The following NCKAP5 variants were observed in gnomAD, a reference collection of about 807,000 sequenced individuals.
NCKAP5 encodes the protein NCK associated protein 5.
In NCKAP5, 92 loss-of-function variants were observed where a neutral mutation model predicts 167.0. The observed-to-expected ratio is 0.55, with a 90% confidence interval of 0.47 to 0.66. The LOEUF is 0.66. Ranked by LOEUF, NCKAP5 falls within the 30% of genes least tolerant of loss-of-function variation. The pLI is 0.00. For missense variants in NCKAP5, 2,378 were observed against 2,315.0 expected (o/e 1.03, Z -0.56); for synonymous variants, 891 against 877.4 (o/e 1.02, Z -0.27).
At chr2:133,483,264 T>G (rs1680617339) in intron 3 of NCKAP5, among the ~76,000 whole-genome samples, 1 of 152,224 alleles carries the variant, frequency 6.6e-6, no homozygotes, top group South Asian at 2.1e-4. Flanking sequence ...TGGTCCTTGT[T>G]AATTCTTAAT....
the NCKAP5 span, among the ~76,000 whole-genome samples, chr2:133,672,305 A>G: frequency 6.6e-6 from 1 of 152,218 alleles, no homozygotes; most frequent in Non-Finnish European, 1.5e-5. Context: ...ATGAGGCTAG[A>G]AAACTATGCA....
At chr2:133,176,196 C>G (rs2084453223) in intron 5 of NCKAP5, among the ~76,000 whole-genome samples, 1 of 152,188 alleles carries the variant, frequency 6.6e-6, no homozygotes, top group African/African-American at 2.4e-5. Flanking sequence ...TAAGCCACAG[C>G]AGGTAATATG....
chr2:132,711,071 A>G (rs981554053), intron 19 of NCKAP5, among the ~76,000 whole-genome samples: 1 of 152,228 alleles, frequency 6.6e-6, no homozygotes, highest in African/African-American at 2.4e-5. Context: ...TCTAGGCACT[A>G]GTGACATAAG....
the NCKAP5 span, among the ~76,000 whole-genome samples, chr2:133,674,142 A>T: frequency 6.6e-6 from 1 of 152,178 alleles, no homozygotes; most frequent in African/African-American, 2.4e-5. Context: ...TTCTCCAGTG[A>T]ATATCAGAAT....
chr2:132,947,150 T>A (rs1697814438), intron 8 of NCKAP5, among the ~76,000 whole-genome samples: 1 of 152,202 alleles, frequency 6.6e-6, no homozygotes, highest in South Asian at 2.1e-4. Context: ...AAATTAAACA[T>A]GCTGTGACTT....
intron 2 of NCKAP5, among the ~76,000 whole-genome samples, chr2:133,557,767 G>A (rs894266975): frequency 6.6e-6 from 1 of 152,216 alleles, no homozygotes; most frequent in African/African-American, 2.4e-5. Context: ...ACACAGCATT[G>A]TGCAGTGACG....
chr2:133,059,680 A>G (rs994774253), intron 6 of NCKAP5, among the ~76,000 whole-genome samples: 3 of 152,098 alleles, frequency 2.0e-5, no homozygotes, highest in Non-Finnish European at 2.9e-5. Context: ...TTTCAAAAAA[A>G]AAAAAGAAAG....
At chr2:133,511,297 G>A (rs542780380) in intron 3 of NCKAP5, among the ~76,000 whole-genome samples, 2 of 152,290 alleles carry the variant, frequency 1.3e-5, no homozygotes, top group South Asian at 4.1e-4. Context: ...AGTAGCACCT[G>A]TGGGTGGTGC....
At chr2:133,504,976 A>G (rs1682873435) in intron 3 of NCKAP5, among the ~76,000 whole-genome samples, 1 of 152,170 alleles carries the variant, frequency 6.6e-6, no homozygotes, top group South Asian at 2.1e-4. Context: ...GGCATAAGAC[A>G]AACAAAGGAG....
At chr2:132,746,385 T>C (rs1208654328) in intron 16 of NCKAP5, among the ~76,000 whole-genome samples, 2 of 151,042 alleles carry the variant, frequency 1.3e-5, no homozygotes. Context: ...ACACTGTATA[T>C]AAAAATTAAC....
intron 4 of NCKAP5, among the ~76,000 whole-genome samples, chr2:133,261,250 A>G (rs1159996081): frequency 3.9e-5 from 6 of 152,188 alleles, no homozygotes; most frequent in African/African-American, 1.4e-4. Context: ...TACAGAAATC[A>G]CCTTCAAGTT....
intron 3 of NCKAP5, among the ~76,000 whole-genome samples, chr2:133,402,852 C>A (rs1346215612): frequency 1.3e-5 from 2 of 152,160 alleles, no homozygotes; most frequent in African/African-American, 4.8e-5. Flanking sequence ...TTATAAAATA[C>A]CCAGCTTCAG....
At chr2:133,201,831 T>C (rs1161603518) in intron 5 of NCKAP5, among the ~76,000 whole-genome samples, 1 of 152,054 alleles carries the variant, frequency 6.6e-6, no homozygotes. Flanking sequence ...TAGGAGATTC[T>C]GCGCTTAAGA....
intron 4 of NCKAP5, among the ~76,000 whole-genome samples, chr2:133,259,646 G>A (rs1363366834): frequency 1.3e-5 from 2 of 152,142 alleles, no homozygotes; most frequent in Non-Finnish European, 2.9e-5. Context: ...TGTTGAACAA[G>A]AAACCACAGA....
intron 5 of NCKAP5, among the ~76,000 whole-genome samples, chr2:133,164,865 G>C (rs564406138): frequency 6.6e-6 from 1 of 152,334 alleles, no homozygotes; most frequent in African/African-American, 2.4e-5. Flanking sequence ...GAAGCAATAA[G>C]CTGTATTTGG....
chr2:132,842,963 T>C (rs1359831705), intron 11 of NCKAP5, among the ~76,000 whole-genome samples: 2 of 152,216 alleles, frequency 1.3e-5, no homozygotes, highest in African/African-American at 4.8e-5. Flanking sequence ...TGCTATCTTC[T>C]TTGATACAAG....
At chr2:132,880,851 G>T (rs964462623) in intron 8 of NCKAP5, among the ~76,000 whole-genome samples, 2 of 152,004 alleles carry the variant, frequency 1.3e-5, no homozygotes, top group East Asian at 3.9e-4. Flanking sequence ...CTGCCATATC[G>T]ATTCCTTTCC....
At chr2:133,615,209 A>C in the NCKAP5 span, among the ~76,000 whole-genome samples, 1 of 152,310 alleles carries the variant, frequency 6.6e-6, no homozygotes, top group East Asian at 1.9e-4. Context: ...CAAAATGTAA[A>C]GACCATCGAG....
the NCKAP5 span, among the ~76,000 whole-genome samples, chr2:133,581,751 T>C: frequency 6.6e-6 from 1 of 152,328 alleles, no homozygotes; most frequent in African/African-American, 2.4e-5. Context: ...GACATGCCCC[T>C]GGAAATATAA....
Sources: gnomAD v4.1 joint callset for allele counts (sites outside exome capture counted in the v4.1 genomes callset) on GRCh38, gnomAD v4.1.1 for gene constraint, MANE v1.5 for transcripts, NCBI Gene and HGNC (gene_info 2026-07-23, HGNC 2026-07-21) for gene names.